The following SHISA9 variants were observed in gnomAD, a reference collection of about 807,000 sequenced individuals.
The protein encoded by SHISA9 is shisa family member 9, also known as protein shisa-9.
Under a neutral mutation model 38.0 loss-of-function variants are expected in SHISA9, and 13 were observed. The observed-to-expected ratio is 0.34, with a 90% confidence interval of 0.22 to 0.54. The LOEUF (loss-of-function observed/expected upper bound fraction) is 0.54, where lower values mean the gene tolerates loss of function less well. Among genes scored for constraint, SHISA9 ranks in the 20% least tolerant of loss-of-function variants. SHISA9 has a pLI of 0.91. For missense variants in SHISA9, 538 were observed against 575.8 expected, an observed-to-expected ratio of 0.93 and a Z score of 0.67; for synonymous variants, 275 against 242.0, an observed-to-expected ratio of 1.14 and a Z score of -1.27.
At chr16:13,447,769 T>G in the SHISA9 span, among the ~76,000 whole-genome samples, 1 of 152,242 alleles carries the variant, frequency 6.6e-6, no homozygotes, top group Non-Finnish European at 1.5e-5. Context: ...AAAACTCTTT[T>G]TTTTCTATCC....
chr16:13,398,452 C>T, the SHISA9 span, among the ~76,000 whole-genome samples: 1 of 151,646 alleles, frequency 6.6e-6, no homozygotes, highest in African/African-American at 2.4e-5. Context: ...ATTCGTCTTC[C>T]ACTTGATCTC....
chr16:13,442,161 A>G, the SHISA9 span, among the ~76,000 whole-genome samples: 6 of 151,930 alleles, frequency 3.9e-5, no homozygotes, highest in Non-Finnish European at 8.8e-5. Flanking sequence ...CTTCTGTTAG[A>G]CCTCCTAGTT....
chr16:13,371,028 G>A, the SHISA9 span, among the ~76,000 whole-genome samples: 1 of 152,162 alleles, frequency 6.6e-6, no homozygotes, highest in African/African-American at 2.4e-5. Flanking sequence ...GTATGTTCCT[G>A]TATTTTCTTT....
At chr16:12,903,459 C>A (rs1282695051) in intron 1 of SHISA9, among the ~76,000 whole-genome samples, 1 of 152,222 alleles carries the variant, frequency 6.6e-6, no homozygotes, top group African/African-American at 2.4e-5. Flanking sequence ...CAGCTAGTTC[C>A]AGCAGATGGG....
chr16:13,029,897 C>G lies in SHISA9; in HGVS notation c.691+113082C>G, dbSNP rs1395478675. Among the ~76,000 whole-genome samples, 6 of 152,310 alleles carry G rather than the reference C, an allele frequency of 3.9e-5. No homozygotes were observed. The South Asian group carries it at 1.2e-3, about 32-fold the overall frequency. ...AGAGGCCTAGAGGGTCAAATCTCAG[C>G]TCTGCTTCTTCCTTACCTCCTGACC... On this transcript the variant is annotated intron_variant, in intron 2 of 4. Coordinates refer to ENST00000558583, the MANE Select transcript of SHISA9 (RefSeq NM_001145204.3).
chr16:13,440,315 A>G, the SHISA9 span, among the ~76,000 whole-genome samples: 9 of 152,342 alleles, frequency 5.9e-5, no homozygotes, highest in East Asian at 7.7e-4. Flanking sequence ...TGTTTCTGCA[A>G]TAGAGCCTCA....
the SHISA9 span, among the ~76,000 whole-genome samples, chr16:13,403,497 C>T: frequency 1.3e-5 from 2 of 152,210 alleles, no homozygotes; most frequent in African/African-American, 2.4e-5. Context: ...GAATGCACTT[C>T]AAGTAGCAAC....
chr16:13,339,192 GAC>G, the SHISA9 span, among the ~76,000 whole-genome samples: 1 of 144,876 alleles, frequency 6.9e-6, no homozygotes, highest in Non-Finnish European at 1.5e-5. Context: ...TTGAAAATGG[GAC>G]ACAGTCTGGT....
chr16:13,026,065 A>G (rs1048430944), intron 2 of SHISA9, among the ~76,000 whole-genome samples: 2 of 152,178 alleles, frequency 1.3e-5, no homozygotes, highest in Non-Finnish European at 2.9e-5. Flanking sequence ...TCAGCCTCCC[A>G]AAGTGTTGGG....
At chr16:13,352,697 TAA>T in the SHISA9 span, among the ~76,000 whole-genome samples, 13 of 129,024 alleles carry the variant, frequency 1.0e-4, 1 homozygote, top group East Asian at 1.9e-3. Flanking sequence ...CGAAGGGAGA[TAA>T]GGGGGGGGGG....
At chr16:13,529,639 C>T in the SHISA9 span, among the ~76,000 whole-genome samples, 4 of 152,204 alleles carry the variant, frequency 2.6e-5, no homozygotes, top group African/African-American at 7.2e-5. Context: ...CATATTGGCT[C>T]AGAATAAACC....
At chr16:12,912,923 C>G (rs543563530) in intron 1 of SHISA9, among the ~76,000 whole-genome samples, 19 of 152,220 alleles carry the variant, frequency 1.2e-4, no homozygotes, top group Middle Eastern at 3.4e-3. Context: ...ACTTGCTGTT[C>G]TTTCAGCCTG....
At chr16:12,951,645 G>T (rs1190330042) in intron 2 of SHISA9, among the ~76,000 whole-genome samples, 1 of 152,170 alleles carries the variant, frequency 6.6e-6, no homozygotes, top group African/African-American at 2.4e-5. Context: ...GGGGAGGGGT[G>T]CACCTGCCTG....
chr16:12,942,944 A>T (rs2071630742), intron 2 of SHISA9, among the ~76,000 whole-genome samples: 1 of 151,892 alleles, frequency 6.6e-6, no homozygotes, highest in Non-Finnish European at 1.5e-5. Flanking sequence ...CTATCTCTAG[A>T]TTTTGTGTGC....
chr16:13,527,909 A>G, the SHISA9 span, among the ~76,000 whole-genome samples: 4 of 152,222 alleles, frequency 2.6e-5, no homozygotes, highest in African/African-American at 9.6e-5. Flanking sequence ...AATTCAGGAA[A>G]CGTGATAGAA....
the SHISA9 span, among the ~76,000 whole-genome samples, chr16:13,397,907 G>C: frequency 6.6e-6 from 1 of 152,192 alleles, no homozygotes; most frequent in African/African-American, 2.4e-5. Context: ...AGGTTTAATT[G>C]AGTGGAAGTA....
the SHISA9 span, among the ~76,000 whole-genome samples, chr16:13,296,469 T>G: frequency 6.6e-6 from 1 of 151,972 alleles, no homozygotes; most frequent in African/African-American, 2.4e-5. Context: ...CCGAGAATAC[T>G]GGGAATATGG....
At chr16:13,351,343 A>G in the SHISA9 span, among the ~76,000 whole-genome samples, 1 of 152,052 alleles carries the variant, frequency 6.6e-6, no homozygotes. Context: ...ACTCCTCCGT[A>G]TAACATGGTT....
At chr16:13,446,275 T>C in the SHISA9 span, among the ~76,000 whole-genome samples, 5 of 152,082 alleles carry the variant, frequency 3.3e-5, no homozygotes, top group Non-Finnish European at 7.4e-5. Context: ...GCTCATTGTA[T>C]TATTATTATT....
Sources: allele counts gnomAD v4.1 joint callset (sites outside exome capture counted in the v4.1 genomes callset), GRCh38; gene constraint gnomAD v4.1.1; transcripts MANE v1.5; gene names NCBI Gene and HGNC (gene_info 2026-07-23, HGNC 2026-07-21).